FRMD4B: variants seen among roughly 807,000 people sequenced by gnomAD.
FRMD4B encodes FERM domain-containing protein 4B.
FRMD4B carries 74 observed loss-of-function variants against 141.5 expected under a neutral mutation model. The ratio of observed to expected loss-of-function variants is 0.52; its 90% CI spans 0.43 to 0.63. The LOEUF is 0.63. FRMD4B is among the 30% of genes least tolerant of loss of function. FRMD4B has a pLI of 0.00. For missense variants in FRMD4B, 1,366 were observed against 1,253.4 expected (o/e 1.09, Z -1.36); for synonymous variants, 506 against 467.9 (o/e 1.08, Z -1.05).
At chr3:69,451,100 A>G (rs1469393551) in intron 1 of FRMD4B, among the ~76,000 whole-genome samples, 4 of 152,206 alleles carry the variant, frequency 2.6e-5, no homozygotes, top group Admixed American at 6.5e-5. Flanking sequence ...TCTGCTTCTC[A>G]GTGCTTCCAG....
intron 3 of FRMD4B, among the ~76,000 whole-genome samples, chr3:69,304,469 G>C (rs1016566978): frequency 3.2e-5 from 4 of 125,096 alleles, no homozygotes; most frequent in East Asian, 2.5e-4. Context: ...GCACGACAGA[G>C]CAAGATTCTA....
intron 21 of FRMD4B, among the ~76,000 whole-genome samples, chr3:69,179,257 CA>C: frequency 6.6e-6 from 1 of 152,156 alleles, no homozygotes; most frequent in South Asian, 2.1e-4. Flanking sequence ...AGCTAGCAGC[CA>C]GGAATGTTGA....
intron 2 of FRMD4B, among the ~76,000 whole-genome samples, chr3:69,431,355 C>T (rs1705175785): frequency 1.3e-5 from 2 of 152,198 alleles, no homozygotes; most frequent in Admixed American, 6.5e-5. Context: ...CTGTGCCTGG[C>T]ACCCATCAGT....
intron 1 of FRMD4B, among the ~76,000 whole-genome samples, chr3:69,451,010 A>G (rs75940993): frequency 2.0e-5 from 3 of 152,336 alleles, no homozygotes; most frequent in Non-Finnish European, 2.9e-5. Flanking sequence ...TAGATTATGT[A>G]CAAGGCTGCG....
chr3:69,249,082 T>TA, intron 7 of FRMD4B, 144 bp downstream of exon 7: 1 of 574,284 alleles, frequency 1.7e-6, no homozygotes. Context: ...AATAGGTCTC[T>TA]ATTTGAAGAG....
At chr3:69,212,381 G>C (rs112511279) in intron 11 of FRMD4B, among the ~76,000 whole-genome samples, 1 of 95,638 alleles carries the variant, frequency 1.0e-5, no homozygotes, top group Non-Finnish European at 1.9e-5. Context: ...AAAAAAAAAA[G>C]AAAAAAAAAA....
intron 11 of FRMD4B, among the ~76,000 whole-genome samples, chr3:69,202,373 G>A (rs1413809498): frequency 1.3e-5 from 2 of 150,856 alleles, no homozygotes; most frequent in East Asian, 2.0e-4. Context: ...GTGTGTGTGT[G>A]TATATATAAA....
intron 10 of FRMD4B, 80 bp from the exon 11 acceptor site, chr3:69,216,429 C>CTTTTT (rs397990009): frequency 1.3e-4 from 49 of 382,034 alleles, no homozygotes; most frequent in South Asian, 2.2e-4. Flanking sequence ...AATTTCACCT[C>CTTTTT]TTTTTTTTTT....
intron 1 of FRMD4B, among the ~76,000 whole-genome samples, chr3:69,321,727 T>C (rs2107283312): frequency 6.6e-6 from 1 of 152,226 alleles, no homozygotes; most frequent in South Asian, 2.1e-4. Flanking sequence ...TGATTTTTTT[T>C]TTTTCTACAC....
chr3:69,332,745 T>A (rs1424247563), intron 1 of FRMD4B, among the ~76,000 whole-genome samples: 26 of 78,168 alleles, frequency 3.3e-4, no homozygotes, highest in African/African-American at 1.9e-3. Context: ...CCTGGCTATT[T>A]TTTTTTTTTT....
chr3:69,421,365 A>T (rs1704976204), intron 2 of FRMD4B, among the ~76,000 whole-genome samples: 1 of 152,226 alleles, frequency 6.6e-6, no homozygotes, highest in African/African-American at 2.4e-5. Context: ...TTGTACATGC[A>T]AGTGCCAACA....
At chr3:69,203,320 C>CAA (rs796607832) in intron 11 of FRMD4B, among the ~76,000 whole-genome samples, 11 of 107,898 alleles carry the variant, frequency 1.0e-4, no homozygotes, top group South Asian at 6.8e-4. Flanking sequence ...CAAACTTCAG[C>CAA]AAAAAAAAAA....
rs1241776978 is a variant in FRMD4B at position 69,438,658 on chromosome 3, A to G, written c.-128-5897T>C. On this transcript the variant is annotated intron_variant, in intron 1 of 5. Coordinates refer to the FRMD4B transcript ENST00000459638. ...CTTTTGGGCAATAGATAAATGAAGC[A>G]AAAAAGTGGTCACACACTCTTGGAG... Among the ~76,000 whole-genome samples, 10 of 152,196 alleles carry G rather than the reference A, an allele frequency of 6.6e-5. No homozygotes were observed. In the East Asian group the frequency reaches 1.9e-3, roughly 29 times the overall value.
At position 69,170,933 on chromosome 3, in the gene FRMD4B, CTTT is replaced by C. The variant is rs1040669987; in HGVS notation, c.*925_*927del. ...ACGCAATTCATCTAAAATGACGTGG[CTTT>C]TTTTTTCTGTTGTTTTGGATACTTT... On this transcript the variant is annotated 3_prime_UTR_variant, in exon 23 of 23. Transcript: ENST00000398540. The C allele has an allele frequency of 6.6e-6, 1 of 150,958 alleles. No individual in the cohort carries two copies. Among genetic ancestry groups the C allele is most frequent in the African/African-American group, 2.4e-5 (1 of 41,064 alleles). 9.4% of individuals were successfully genotyped at this position (150,958 alleles called of 1,614,324 possible).
At chr3:69,222,757 G>GCAAA (rs1257100454) in intron 8 of FRMD4B, among the ~76,000 whole-genome samples, 1 of 125,964 alleles carries the variant, frequency 7.9e-6, no homozygotes, top group Admixed American at 8.5e-5. Flanking sequence ...GGCAACAAGA[G>GCAAA]CAAAACTCCA....
chr3:69,198,889 A>G (rs2092936685), intron 11 of FRMD4B, 115 bp from the exon 12 acceptor site: 1 of 648,010 alleles, frequency 1.5e-6, no homozygotes, highest in African/African-American at 1.8e-5. Flanking sequence ...GATACGATGA[A>G]ACATGAATAT....
intron 5 of FRMD4B, among the ~76,000 whole-genome samples, chr3:69,272,969 AAC>A (rs2093602492): frequency 6.6e-6 from 1 of 152,204 alleles, no homozygotes; most frequent in Non-Finnish European, 1.5e-5. Context: ...CCTTCTCAGA[AAC>A]AGTCACATTT....
intron 1 of FRMD4B, among the ~76,000 whole-genome samples, chr3:69,474,728 C>T (rs1705954921): frequency 6.6e-6 from 1 of 152,160 alleles, no homozygotes; most frequent in Non-Finnish European, 1.5e-5. Flanking sequence ...TCCATTCAGT[C>T]ACCATTTAGG....
intron 5 of FRMD4B, among the ~76,000 whole-genome samples, chr3:69,274,333 A>C (rs902210835): frequency 5.3e-5 from 8 of 152,080 alleles, no homozygotes; most frequent in Non-Finnish European, 1.0e-4. Context: ...AAAGGCTTAA[A>C]AATGTAAGTA....
Sources: allele counts gnomAD v4.1 joint callset (sites outside exome capture counted in the v4.1 genomes callset), GRCh38; gene constraint gnomAD v4.1.1; transcripts MANE v1.5; gene names NCBI Gene and HGNC (gene_info 2026-07-23, HGNC 2026-07-21).